The following SUCLG2 variants were observed in gnomAD, a reference collection of about 807,000 sequenced individuals.
The protein encoded by SUCLG2 is succinate-CoA ligase GDP-forming subunit beta.
Under a neutral mutation model 47.9 loss-of-function variants are expected in SUCLG2, and 42 were observed. The ratio of observed to expected loss-of-function variants is 0.88; its 90% CI spans 0.69 to 1.14. The LOEUF (loss-of-function observed/expected upper bound fraction) is 1.14, where lower values mean the gene tolerates loss of function less well. Among genes scored for constraint, SUCLG2 ranks in the 50% most tolerant of loss-of-function variants. The pLI is 0.00. For missense variants in SUCLG2, 571 were observed against 525.9 expected (o/e 1.09, Z -0.84); for synonymous variants, 195 against 197.3 (o/e 0.99, Z 0.10).
At chr3:67,398,090 C>T (rs1702589395) in intron 10 of SUCLG2, among the ~76,000 whole-genome samples, 1 of 150,120 alleles carries the variant, frequency 6.7e-6, no homozygotes, top group East Asian at 2.0e-4. Context: ...TCGGCATTAC[C>T]ATTCAGGACA....
chr3:67,491,177 G>A (rs529993141), intron 9 of SUCLG2, among the ~76,000 whole-genome samples: 26 of 149,672 alleles, frequency 1.7e-4, no homozygotes, highest in African/African-American at 4.9e-4. Context: ...AAAATTAGCC[G>A]GGCATGGTGG....
At chr3:67,412,416 G>A (rs961338795) in intron 9 of SUCLG2, among the ~76,000 whole-genome samples, 3 of 152,064 alleles carry the variant, frequency 2.0e-5, no homozygotes, top group Non-Finnish European at 4.4e-5. Flanking sequence ...TGAAAACATC[G>A]TGATTTGGGA....
In SUCLG2 at chr3:67,428,271, A is replaced by G. The variant is rs149977442; in HGVS notation, c.1063-27420T>C. On this transcript the variant is annotated intron_variant, in intron 9 of 10. Coordinates refer to ENST00000307227, the MANE Select transcript of SUCLG2 (RefSeq NM_003848.4). ...TCCAGAGGAAGAATCAGGCAGCAAC[A>G]TTTGCCGTTCTGCAATATTTGCTGT... Among the ~76,000 whole-genome samples the G allele has an allele frequency of 1.5e-3, 222 of 152,280 alleles. 1 individual carries two copies. Among genetic ancestry groups the G allele is most frequent in the African/African-American group, 5.2e-3 (215 of 41,558 alleles).
intron 9 of SUCLG2, among the ~76,000 whole-genome samples, chr3:67,429,408 T>C (rs1190252947): frequency 6.6e-6 from 1 of 152,204 alleles, no homozygotes; most frequent in Non-Finnish European, 1.5e-5. Context: ...TGCTGAGATT[T>C]TGTCACCACC....
At chr3:67,372,777 G>A (rs1281302970), downstream of SUCLG2, among the ~76,000 whole-genome samples, 1 of 152,036 alleles carries the variant, frequency 6.6e-6, no homozygotes, top group Non-Finnish European at 1.5e-5. Context: ...CCTTTCTCAG[G>A]TTTGAAAACA....
At chr3:67,459,024 T>G (rs1704259895) in intron 9 of SUCLG2, among the ~76,000 whole-genome samples, 1 of 152,188 alleles carries the variant, frequency 6.6e-6, no homozygotes, top group Non-Finnish European at 1.5e-5. Context: ...ATGTGGTCAA[T>G]CAAATCTAAT....
At chr3:67,592,651 C>T (rs1708190507) in intron 2 of SUCLG2, among the ~76,000 whole-genome samples, 2 of 129,894 alleles carry the variant, frequency 1.5e-5, no homozygotes, top group African/African-American at 5.9e-5. Flanking sequence ...TTCAAGACAT[C>T]AACTCAACAA....
downstream of SUCLG2, among the ~76,000 whole-genome samples, chr3:67,372,236 T>C (rs983704450): frequency 6.6e-6 from 1 of 152,192 alleles, no homozygotes; most frequent in African/African-American, 2.4e-5. Flanking sequence ...GAAGAAATGA[T>C]AGAATTAAAC....
chr3:67,391,580 T>C (rs1342563164), intron 10 of SUCLG2, among the ~76,000 whole-genome samples: 1 of 152,158 alleles, frequency 6.6e-6, no homozygotes, highest in East Asian at 1.9e-4. Context: ...TAATAATGCC[T>C]TTACCTCCTA....
intron 4 of SUCLG2, among the ~76,000 whole-genome samples, chr3:67,527,541 T>A (rs1316223761): frequency 1.3e-5 from 2 of 152,150 alleles, no homozygotes; most frequent in Admixed American, 6.5e-5. Context: ...GCTCTACCAC[T>A]CACAATTTCA....
chr3:67,518,720 G>A (rs921795375), intron 5 of SUCLG2, among the ~76,000 whole-genome samples: 7 of 152,054 alleles, frequency 4.6e-5, no homozygotes, highest in African/African-American at 1.4e-4. Context: ...GTCATAGATA[G>A]GTTAAATATT....
rs144762262 is a variant in SUCLG2, at chr3:67,572,996, C to G, written c.226+36459G>C. 4.8e-3 allele frequency among the ~76,000 whole-genome samples: 737 copies of G among 152,032 alleles called. 9 individuals carry two copies. Among genetic ancestry groups the G allele is most frequent in the Non-Finnish European group, 4.9e-3 (334 of 67,954 alleles). ...GTCACAGGATACAAAATAAAAGATA[C>G]AAAGATCAATTGTATTTCAACATAC... On this transcript the variant is annotated intron_variant, in intron 2 of 10. Coordinates refer to ENST00000307227, the MANE Select transcript of SUCLG2 (RefSeq NM_003848.4).
At chr3:67,502,395 A>G (rs569833009) in intron 7 of SUCLG2, among the ~76,000 whole-genome samples, 3 of 152,332 alleles carry the variant, frequency 2.0e-5, no homozygotes, top group African/African-American at 7.2e-5. Context: ...ATAGACTGGC[A>G]TCAAAAATAT....
rs566263842 is a variant in SUCLG2 at position 67,496,712 on chromosome 3, C to A, written c.920-772G>T. 1.6e-4 allele frequency among the ~76,000 whole-genome samples: 24 copies of A among 152,046 alleles called. No individual in the cohort carries two copies. The South Asian group carries it at 4.6e-3, about 29-fold the overall frequency. ...GGTAGAGAGTTTTAATATCAAAAGT[C>A]TTGTTTTCCAGAGCTAAGTTTTATT... is the stretch of plus-strand genomic sequence containing the variant. On this transcript the variant is annotated intron_variant, in intron 8 of 10. Coordinates refer to ENST00000307227, the MANE Select transcript of SUCLG2 (RefSeq NM_003848.4).
chr3:67,549,237 T>C (rs2107190954), intron 2 of SUCLG2, among the ~76,000 whole-genome samples: 1 of 152,298 alleles, frequency 6.6e-6, no homozygotes, highest in South Asian at 2.1e-4. Context: ...GGATGATACC[T>C]GGAGCTTAAG....
intron 2 of SUCLG2, among the ~76,000 whole-genome samples, chr3:67,573,102 A>C (rs769007014): frequency 3.3e-5 from 5 of 152,246 alleles, no homozygotes; most frequent in African/African-American, 4.8e-5. Flanking sequence ...TTAGAAATAA[A>C]TTTAACAAAA....
chr3:67,438,750 C>T (rs1422696092), intron 9 of SUCLG2, among the ~76,000 whole-genome samples: 1 of 152,052 alleles, frequency 6.6e-6, no homozygotes, highest in African/African-American at 2.4e-5. Flanking sequence ...AATTAATAGC[C>T]TATCAACCAA....
chr3:67,385,769 C>A (rs1702245724), intron 10 of SUCLG2, among the ~76,000 whole-genome samples: 1 of 152,198 alleles, frequency 6.6e-6, no homozygotes, highest in African/African-American at 2.4e-5. Context: ...GAAGGTAATA[C>A]TTTTGTTTCC....
chr3:67,638,711 A>C (rs1289303043), intron 1 of SUCLG2, among the ~76,000 whole-genome samples: 1 of 152,248 alleles, frequency 6.6e-6, no homozygotes, highest in Non-Finnish European at 1.5e-5. Context: ...AATCACGTAG[A>C]CTTGGGAGTC....
Sources: gnomAD v4.1 joint callset for allele counts (sites outside exome capture counted in the v4.1 genomes callset) on GRCh38, gnomAD v4.1.1 for gene constraint, MANE v1.5 for transcripts, NCBI Gene and HGNC (gene_info 2026-07-23, HGNC 2026-07-21) for gene names.